The following LAPTM4B variants were observed in gnomAD, a reference collection of about 807,000 sequenced individuals.
The protein encoded by LAPTM4B is lysosomal-associated transmembrane protein 4B.
Under a neutral mutation model 28.5 loss-of-function variants are expected in LAPTM4B, and 26 were observed. That is an observed-to-expected ratio of 0.91 (90% CI 0.67 to 1.27). LAPTM4B has a LOEUF of 1.27. LAPTM4B is among the 50% of genes most tolerant of loss of function. LAPTM4B has a pLI of 0.00. For synonymous variants in LAPTM4B, 109 were observed against 106.4 expected (o/e 1.02, Z -0.15); for missense variants, 288 against 285.8 (o/e 1.01, Z -0.06).
Position 97,844,681 on chromosome 8 carries a change from C to T in LAPTM4B, c.604-6716C>T, listed in dbSNP as rs148693334. On this transcript the variant is annotated intron_variant, in intron 6 of 6. Transcript: ENST00000521545. ...TGCTTTACTTAGTGTCTATACTGCA[C>T]GTGTTCAGGCCCTACTTCCTTGTGT... 4.6e-5 allele frequency among the ~76,000 whole-genome samples: 7 copies of T among 152,234 alleles called. No homozygotes were observed. The East Asian group carries it at 1.2e-3, about 25-fold the overall frequency.
intron 4 of LAPTM4B, among the ~76,000 whole-genome samples, 178 bp downstream of exon 4, chr8:97,816,358 A>G (rs992460910): frequency 1.3e-5 from 2 of 151,468 alleles, no homozygotes; most frequent in Non-Finnish European, 2.9e-5. Flanking sequence ...CTCGTCACCC[A>G]GGCTGGAGTG....
chr8:97,783,997 C>T (rs528364376), intron 1 of LAPTM4B, among the ~76,000 whole-genome samples: 23 of 152,086 alleles, frequency 1.5e-4, no homozygotes, highest in Non-Finnish European at 2.9e-4. Context: ...TTCTTCACCC[C>T]TTCACAAGCC....
intron 1 of LAPTM4B, among the ~76,000 whole-genome samples, chr8:97,783,879 G>A (rs558511915): frequency 2.8e-4 from 42 of 152,234 alleles, no homozygotes; most frequent in African/African-American, 9.1e-4. Flanking sequence ...CCACGTATGC[G>A]TGTGCACGTA....
chr8:97,837,373 A>T (rs1341842462), intron 6 of LAPTM4B, among the ~76,000 whole-genome samples: 2 of 151,894 alleles, frequency 1.3e-5, no homozygotes, highest in African/African-American at 4.8e-5. Flanking sequence ...TTGTATGTTT[A>T]TTAGAGACAG....
intron 2 of LAPTM4B, among the ~76,000 whole-genome samples, chr8:97,813,675 TAACGTGCTCAC>T (rs1816861234): frequency 6.6e-6 from 1 of 151,824 alleles, no homozygotes; most frequent in Admixed American, 6.6e-5. Context: ...TTCATGCTCT[TAACGTGCTCAC>T]CGGCTGCTTC....
chr8:97,779,239 G>T (rs920111085), intron 1 of LAPTM4B, among the ~76,000 whole-genome samples: 1 of 152,100 alleles, frequency 6.6e-6, no homozygotes, highest in Non-Finnish European at 1.5e-5. Flanking sequence ...CCAGCATTTT[G>T]GGAGGCTGAG....
rs554058157 is a variant in LAPTM4B, at chr8:97,834,144, G to GAAAAAAAAAAAAA, written c.603+8993_603+9005dup. ...ACATAGTGAGACCCCTGTCTCTACA[G>GAAAAAAAAAAAAA]AAAAAAAAAAAAAATCCAGGTGGCA... On this transcript the variant is annotated intron_variant, in intron 6 of 6. Transcript: ENST00000521545. 1.7e-3 allele frequency among the ~76,000 whole-genome samples: 125 copies of GAAAAAAAAAAAAA among 75,298 alleles called. 13 individuals are homozygous for GAAAAAAAAAAAAA. The highest frequency in any genetic ancestry group is 6.7e-3 in the South Asian group (15 of 2,244). 49.4% of individuals were successfully genotyped at this position (75,298 alleles called of 152,430 possible). A position where few individuals can be genotyped will look rare whatever the true frequency, so the allele number is the denominator to read the frequency against.
rs142256615 is a variant in LAPTM4B, at chr8:97,851,591, A to G, written c.*117A>G. The G allele has an allele frequency of 3.2e-5, 24 of 754,788 alleles. No individual in the cohort carries two copies. Among genetic ancestry groups the G allele is most frequent in the East Asian group, 2.7e-5 (1 of 37,572 alleles). 46.8% of individuals were successfully genotyped at this position (754,788 alleles called of 1,614,324 possible). On this transcript the variant is annotated 3_prime_UTR_variant, in exon 7 of 7. Transcript: ENST00000521545. ...TGAGCTTGTTTGTTGCTGAAATGCTACTTTTTAAAATTTAGATGTTAGATT... is the reference window on the plus strand; with the variant it reads ...TGAGCTTGTTTGTTGCTGAAATGCTGCTTTTTAAAATTTAGATGTTAGATT...
chr8:97,785,806 C>T (rs1027173437), intron 1 of LAPTM4B, among the ~76,000 whole-genome samples: 4 of 152,156 alleles, frequency 2.6e-5, no homozygotes, highest in Non-Finnish European at 4.4e-5. Flanking sequence ...CAGTTGAAGA[C>T]ATAGCTCAAA....
At chr8:97,813,501 A>G (rs1287759966) in intron 2 of LAPTM4B, among the ~76,000 whole-genome samples, 4 of 152,234 alleles carry the variant, frequency 2.6e-5, no homozygotes, top group African/African-American at 7.2e-5. Context: ...TCCTTTGGCA[A>G]CGCCCTCACA....
rs770906362 is a variant in LAPTM4B, at chr8:97,810,863, T to C, written c.212-4465T>C. On this transcript the variant is annotated intron_variant, in intron 2 of 6. Coordinates refer to ENST00000521545, the MANE Select transcript of LAPTM4B (RefSeq NM_018407.6). ...GGCCAGATAAGTTGTCAAGAAATGA[T>C]GGCTACTTATATATACAGTCACCTG... 2.4e-4 allele frequency among the ~76,000 whole-genome samples: 36 copies of C among 152,366 alleles called. 1 individual carries two copies. In the Middle Eastern group the frequency reaches 0.017, roughly 72 times the overall value.
Position 97,816,069 on chromosome 8 carries a change from C to G in LAPTM4B, c.297C>G (p.Ala99=), listed in dbSNP as rs1289306963. Reference sequence around the variant, plus strand: ...TCTGTTCTGTTTAGCAACGCGCAGCCTGGATCATCCCATTCTTCTGTTACC... The same window carrying G: ...TCTGTTCTGTTTAGCAACGCGCAGCGTGGATCATCCCATTCTTCTGTTACC... The part of the protein sequence containing the change: ...ATYGAYKQRA[A]WIIPFFCYQI... The change falls in exon 4 of 7, where the codon GCC becomes GCG. Residue 99 remains alanine (A), a synonymous_variant. Transcript: ENST00000521545. 1.2e-6 allele frequency: 2 copies of G among 1,612,590 alleles called. No individual in the cohort carries two copies. The highest frequency in any genetic ancestry group is 1.7e-6 in the Non-Finnish European group (2 of 1,179,528).
In LAPTM4B at chr8:97,776,117, G is replaced by C; in HGVS notation, c.99+9G>C. The C allele has an allele frequency of 1.3e-6, 2 of 1,494,090 alleles. No homozygotes were observed. 92.6% of individuals were successfully genotyped at this position (1,494,090 alleles called of 1,614,324 possible). The stretch of plus-strand genomic sequence containing the variant: ...TCGGCGTCTGGTATCTGGTGAGCGC[G>C]GCGCGCCCGGCCCGGGACCCTGCGT... On this transcript the variant is annotated intron_variant, in intron 1 of 6. Coordinates refer to ENST00000521545, the MANE Select transcript of LAPTM4B (RefSeq NM_018407.6).
intron 6 of LAPTM4B, among the ~76,000 whole-genome samples, chr8:97,847,103 T>C (rs1817445674): frequency 6.6e-6 from 1 of 152,206 alleles, no homozygotes; most frequent in Admixed American, 6.5e-5. Flanking sequence ...ACAACTTCAA[T>C]AGAAGAGACA....
intron 1 of LAPTM4B, among the ~76,000 whole-genome samples, chr8:97,778,547 A>G (rs1274635496): frequency 2.6e-5 from 4 of 152,108 alleles, no homozygotes; most frequent in Admixed American, 6.6e-5. Flanking sequence ...GTGGCAAGCT[A>G]TATCCGCAGT....
At chr8:97,816,478 G>C (rs1235615912) in intron 4 of LAPTM4B, among the ~76,000 whole-genome samples, 1 of 152,052 alleles carries the variant, frequency 6.6e-6, no homozygotes, top group Admixed American at 6.6e-5. Context: ...TGTATTTTTA[G>C]TAGAGATGGG....
At chr8:97,792,537 G>A (rs966768869) in intron 1 of LAPTM4B, among the ~76,000 whole-genome samples, 1 of 152,112 alleles carries the variant, frequency 6.6e-6, no homozygotes, top group Non-Finnish European at 1.5e-5. Context: ...TTACAGGTGT[G>A]AGCCGCCGTG....
At chr8:97,783,091 T>TA (rs1554588806) in intron 1 of LAPTM4B, among the ~76,000 whole-genome samples, 5 of 136,132 alleles carry the variant, frequency 3.7e-5, no homozygotes, top group Admixed American at 7.2e-5. Flanking sequence ...TTTTTTTTTT[T>TA]AAATATCCTT....
chr8:97,826,308 C>A (rs1351373171), intron 6 of LAPTM4B, among the ~76,000 whole-genome samples: 1 of 152,164 alleles, frequency 6.6e-6, no homozygotes, highest in African/African-American at 2.4e-5. Context: ...ACCTGGCATA[C>A]CCAGGTGCTG....
Sources: gnomAD v4.1 joint callset for allele counts (sites outside exome capture counted in the v4.1 genomes callset) on GRCh38, gnomAD v4.1.1 for gene constraint, MANE v1.5 for transcripts, NCBI Gene and HGNC (gene_info 2026-07-23, HGNC 2026-07-21) for gene names.